The following MAP2 variants were observed in gnomAD, a reference collection of about 807,000 sequenced individuals.
MAP2 encodes the protein microtubule associated protein 2, also known as microtubule-associated protein 2.
A neutral mutation model predicts 137.6 loss-of-function variants in MAP2; 14 were observed. That is an observed-to-expected ratio of 0.10 (90% CI 0.07 to 0.16). The LOEUF is 0.16. MAP2 is among the 10% of genes least tolerant of loss of function. MAP2 has a pLI of 1.00. For missense variants in MAP2, 2,088 were observed against 2,191.5 expected, an observed-to-expected ratio of 0.95 and a Z score of 0.94; for synonymous variants, 786 against 782.3, an observed-to-expected ratio of 1.00 and a Z score of -0.08.
intron 2 of MAP2, among the ~76,000 whole-genome samples, chr2:209,523,868 A>G (rs1477765066): frequency 2.0e-5 from 3 of 152,186 alleles, no homozygotes; most frequent in African/African-American, 7.2e-5. Flanking sequence ...AGCGATGACT[A>G]ACTATGGATA....
chr2:209,524,384 T>A (rs907540729), intron 2 of MAP2, among the ~76,000 whole-genome samples: 1 of 152,104 alleles, frequency 6.6e-6, no homozygotes, highest in Admixed American at 6.6e-5. Context: ...TTTCAACAAT[T>A]AAGCAATATA....
chr2:209,662,101 C>A (rs1344477499), intron 5 of MAP2, among the ~76,000 whole-genome samples: 1 of 152,096 alleles, frequency 6.6e-6, no homozygotes, highest in Non-Finnish European at 1.5e-5. Context: ...TCCATTAAAC[C>A]CTATGACTCA....
At chr2:209,668,581 A>C (rs1003022670) in intron 5 of MAP2, among the ~76,000 whole-genome samples, 1 of 152,068 alleles carries the variant, frequency 6.6e-6, no homozygotes, top group African/African-American at 2.4e-5. Flanking sequence ...TTAAAATTCT[A>C]TTAAAGTCTT....
At chr2:209,531,202 G>T (rs985588779) in intron 2 of MAP2, among the ~76,000 whole-genome samples, 33 of 152,176 alleles carry the variant, frequency 2.2e-4, no homozygotes, top group African/African-American at 6.7e-4. Context: ...AAGAGAAAAA[G>T]AAATGAAAGA....
At chr2:209,618,125 G>T (rs1296303637) in intron 3 of MAP2, among the ~76,000 whole-genome samples, 1 of 152,076 alleles carries the variant, frequency 6.6e-6, no homozygotes, top group East Asian at 1.9e-4. Flanking sequence ...TCCTGGAGTG[G>T]TTGGGGAATC....
chr2:209,542,981 G>T (rs964355150), intron 2 of MAP2, among the ~76,000 whole-genome samples: 2 of 152,170 alleles, frequency 1.3e-5, no homozygotes, highest in Non-Finnish European at 2.9e-5. Flanking sequence ...CAATTTGGCT[G>T]CTTGGTGAAA....
intron 1 of MAP2, among the ~76,000 whole-genome samples, chr2:209,451,492 G>A (rs1700301055): frequency 2.0e-5 from 3 of 152,188 alleles, no homozygotes; most frequent in Non-Finnish European, 4.4e-5. Context: ...AGCTGTGGTG[G>A]GGTCTGTTTA....
At chr2:209,573,314 T>C (rs2074739605) in intron 2 of MAP2, among the ~76,000 whole-genome samples, 1 of 142,638 alleles carries the variant, frequency 7.0e-6, no homozygotes, top group Non-Finnish European at 1.5e-5. Context: ...TTTTTTTTTT[T>C]GAGGAGTCTT....
chr2:209,641,944 G>C (rs1442925446), intron 4 of MAP2, among the ~76,000 whole-genome samples: 1 of 152,070 alleles, frequency 6.6e-6, no homozygotes, highest in Non-Finnish European at 1.5e-5. Context: ...TATCTGGAGT[G>C]GATTCTCTTT....
At chr2:209,527,241 C>T (rs1160019754) in intron 2 of MAP2, among the ~76,000 whole-genome samples, 1 of 152,062 alleles carries the variant, frequency 6.6e-6, no homozygotes, top group Non-Finnish European at 1.5e-5. Flanking sequence ...TATTTTTCTC[C>T]ATAGCATTTC....
intron 2 of MAP2, among the ~76,000 whole-genome samples, chr2:209,536,173 C>A (rs1367601618): frequency 6.6e-6 from 1 of 152,114 alleles, no homozygotes; most frequent in African/African-American, 2.4e-5. Flanking sequence ...CATTTAATAA[C>A]CTGATCTGTG....
chr2:209,655,839 G>A (rs1417119064), intron 5 of MAP2, among the ~76,000 whole-genome samples: 2 of 152,130 alleles, frequency 1.3e-5, no homozygotes, highest in East Asian at 3.9e-4. Context: ...GTGACATCAG[G>A]TCCACAGCTA....
chr2:209,500,476 C>CTGA (rs961513575), intron 1 of MAP2, among the ~76,000 whole-genome samples: 5 of 152,160 alleles, frequency 3.3e-5, no homozygotes, highest in African/African-American at 1.2e-4. Flanking sequence ...CCCTTACCTC[C>CTGA]TTCAAGGGCT....
intron 1 of MAP2, among the ~76,000 whole-genome samples, chr2:209,437,305 G>C (rs1283295204): frequency 6.6e-6 from 1 of 151,506 alleles, no homozygotes. Flanking sequence ...CTAAGACCCA[G>C]GTATTTTGTC....
chr2:209,609,495 A>G (rs1303582344), intron 3 of MAP2, among the ~76,000 whole-genome samples: 2 of 152,114 alleles, frequency 1.3e-5, no homozygotes, highest in Admixed American at 6.6e-5. Flanking sequence ...CAGTCACTCA[A>G]TTTCTGCCTC....
chr2:209,530,803 CCAGG>C (rs1407851473), intron 2 of MAP2, among the ~76,000 whole-genome samples: 1 of 152,064 alleles, frequency 6.6e-6, no homozygotes, highest in Non-Finnish European at 1.5e-5. Flanking sequence ...TTAATTTGCT[CCAGG>C]TCACATAGAT....
chr2:209,575,436 G>T (rs1160002161), intron 2 of MAP2, among the ~76,000 whole-genome samples: 1 of 149,732 alleles, frequency 6.7e-6, no homozygotes, highest in African/African-American at 2.5e-5. Context: ...CAGGAGAATG[G>T]CGTGAACCCG....
intron 5 of MAP2, among the ~76,000 whole-genome samples, chr2:209,666,007 T>TA (rs2046150694): frequency 6.6e-6 from 1 of 152,198 alleles, no homozygotes; most frequent in Non-Finnish European, 1.5e-5. Flanking sequence ...TAACCACTTT[T>TA]AAAAAATCAA....
intron 7 of MAP2, among the ~76,000 whole-genome samples, chr2:209,684,932 A>G (rs1443089468): frequency 6.6e-6 from 1 of 152,122 alleles, no homozygotes; most frequent in Non-Finnish European, 1.5e-5. Flanking sequence ...AGGGGAAAGA[A>G]CAGAGGTACC....
Sources: gnomAD v4.1 joint callset for allele counts (sites outside exome capture counted in the v4.1 genomes callset) on GRCh38, gnomAD v4.1.1 for gene constraint, MANE v1.5 for transcripts, NCBI Gene and HGNC (gene_info 2026-07-23, HGNC 2026-07-21) for gene names.